The following PAX2 variants were observed in gnomAD, a reference collection of about 807,000 sequenced individuals.
The protein encoded by PAX2 is paired box 2, also known as paired box protein Pax-2.
A neutral mutation model predicts 41.7 loss-of-function variants in PAX2; 9 were observed. That is an observed-to-expected ratio of 0.22 (90% CI 0.13 to 0.38). PAX2 has a LOEUF of 0.38. PAX2 is among the 10% of genes least tolerant of loss of function. The pLI is 1.00. For synonymous variants in PAX2, 221 were observed against 212.7 expected, an observed-to-expected ratio of 1.04 and a Z score of -0.34; for missense variants, 418 against 531.6, an observed-to-expected ratio of 0.79 and a Z score of 2.10.
intron 3 of PAX2, among the ~76,000 whole-genome samples, chr10:100,760,696 A>G (rs1845809142): frequency 6.6e-6 from 1 of 152,142 alleles, no homozygotes; most frequent in Non-Finnish European, 1.5e-5. Flanking sequence ...TGCAAAGTGG[A>G]TACCACTATC....
rs1589809833 is a variant in PAX2, at chr10:100,748,530, G to C, written c.44-1216G>C. 1.1e-5 allele frequency: 11 copies of C among 985,358 alleles called. No homozygotes were observed. The South Asian group carries it at 3.8e-4, about 34-fold the overall frequency. The allele number at this position is 985,358 out of a possible 1,614,324, so 61.0% of individuals were successfully genotyped here. On this transcript the variant is annotated intron_variant, in intron 1 of 9. Transcript: ENST00000355243. The surrounding 1 kb of genome is among the most constrained non-coding windows in gnomAD (Gnocchi z 5.0). ...GGCAGGGGCTGCAGCTTGCCAGTCC[G>C]GGCCGACCCGACTCGGCCGCTAGAA...
chr10:100,782,465 A>G (rs1846671649), intron 5 of PAX2, among the ~76,000 whole-genome samples: 1 of 152,340 alleles, frequency 6.6e-6, no homozygotes, highest in Admixed American at 6.5e-5. Flanking sequence ...TGGAGTGAGG[A>G]GCAGAGAAAA....
At chr10:100,817,009 G>A (rs1356876636) in intron 7 of PAX2, among the ~76,000 whole-genome samples, 1 of 152,204 alleles carries the variant, frequency 6.6e-6, no homozygotes, top group African/African-American at 2.4e-5. Context: ...TAAAGCCAGA[G>A]AGGAACTGGG....
chr10:100,773,342 G>A (rs1846277139), intron 3 of PAX2, among the ~76,000 whole-genome samples: 1 of 152,142 alleles, frequency 6.6e-6, no homozygotes, highest in Non-Finnish European at 1.5e-5. Context: ...GCCCAGCCTA[G>A]TCCAGTAAAT....
intron 3 of PAX2, among the ~76,000 whole-genome samples, chr10:100,752,402 C>T (rs1657114213): frequency 6.6e-6 from 1 of 152,204 alleles, no homozygotes; most frequent in African/African-American, 2.4e-5. Context: ...GGAGAGGAGG[C>T]TGGGGCAGCT....
At chr10:100,771,716 A>G (rs1484972481) in intron 3 of PAX2, among the ~76,000 whole-genome samples, 1 of 152,166 alleles carries the variant, frequency 6.6e-6, no homozygotes, top group Non-Finnish European at 1.5e-5. Flanking sequence ...AGCCATGGAT[A>G]CGTGCCTGAT....
chr10:100,780,920 CTGTT>C (rs1846596039), intron 4 of PAX2, among the ~76,000 whole-genome samples: 1 of 152,188 alleles, frequency 6.6e-6, no homozygotes, highest in Non-Finnish European at 1.5e-5. Flanking sequence ...GACAGGTTTG[CTGTT>C]TCCTGGGCCT....
At chr10:100,782,247 G>A (rs951520523) in intron 5 of PAX2, among the ~76,000 whole-genome samples, 2 of 151,762 alleles carry the variant, frequency 1.3e-5, no homozygotes, top group African/African-American at 4.8e-5. Flanking sequence ...ACATCTCCCA[G>A]GAAAGAGGCA....
At chr10:100,779,305 C>T (rs557164186) in intron 3 of PAX2, among the ~76,000 whole-genome samples, 193 bp from the exon 4 acceptor site, 2 of 152,354 alleles carry the variant, frequency 1.3e-5, no homozygotes, top group South Asian at 4.1e-4. Context: ...AGCTGCATTA[C>T]GTTGGATCTG....
chr10:100,738,981 C>T (rs1383756642), intron 1 of PAX2, among the ~76,000 whole-genome samples: 3 of 151,160 alleles, frequency 2.0e-5, no homozygotes, highest in African/African-American at 7.3e-5. Flanking sequence ...CCCCCTTTCC[C>T]CGAGGGCCTA....
chr10:100,789,678 G>A (rs1303633260), intron 5 of PAX2, among the ~76,000 whole-genome samples: 3 of 152,266 alleles, frequency 2.0e-5, no homozygotes, highest in Non-Finnish European at 2.9e-5. Context: ...AGGTTCAAAG[G>A]TCAGCACTCA....
chr10:100,744,844 C>A (rs779345215), upstream of PAX2, among the ~76,000 whole-genome samples: 1 of 152,186 alleles, frequency 6.6e-6, no homozygotes, highest in African/African-American at 2.4e-5. Context: ...ACTGCCCAGA[C>A]CCGGTGGGCA....
intron 4 of PAX2, among the ~76,000 whole-genome samples, chr10:100,780,590 G>A (rs1406104776): frequency 6.6e-6 from 1 of 152,190 alleles, no homozygotes; most frequent in African/African-American, 2.4e-5. Flanking sequence ...TAGAGCGAAT[G>A]GGTTCACTAA....
intron 3 of PAX2, among the ~76,000 whole-genome samples, chr10:100,770,564 A>G (rs1446221186): frequency 6.6e-6 from 1 of 152,214 alleles, no homozygotes; most frequent in Non-Finnish European, 1.5e-5. Context: ...AACCATCACT[A>G]TTGCCCCCTT....
chr10:100,776,811 C>T (rs980697361), intron 3 of PAX2, among the ~76,000 whole-genome samples: 3 of 152,208 alleles, frequency 2.0e-5, no homozygotes, highest in Admixed American at 2.0e-4. Context: ...TTTGTAAAAC[C>T]ATGGTTGACT....
chr10:100,797,447 T>TC (rs1847378658), intron 5 of PAX2, among the ~76,000 whole-genome samples: 1 of 152,192 alleles, frequency 6.6e-6, no homozygotes, highest in Non-Finnish European at 1.5e-5. Context: ...CACTTTCATT[T>TC]CCCCATCTAC....
intron 5 of PAX2, among the ~76,000 whole-genome samples, chr10:100,784,801 G>T (rs1846782891): frequency 6.6e-6 from 1 of 152,266 alleles, no homozygotes; most frequent in Middle Eastern, 3.4e-3. Flanking sequence ...CTGTGACTCT[G>T]GGGAAAAACT....
intron 1 of PAX2, among the ~76,000 whole-genome samples, chr10:100,739,889 C>T (rs753110036): frequency 6.6e-6 from 1 of 152,226 alleles, no homozygotes; most frequent in Admixed American, 6.5e-5. Flanking sequence ...CTCGCCCGGC[C>T]TAGGGGAGGA....
rs765415698 is a variant in PAX2, at chr10:100,827,118, C to T, written c.1108+23C>T. On this transcript the variant is annotated intron_variant, in intron 9 of 9. Coordinates refer to ENST00000355243, the MANE Select transcript of PAX2 (RefSeq NM_000278.5). The surrounding 1 kb of genome is among the most constrained non-coding windows in gnomAD (Gnocchi z 8.5). ...TAAGTGAGTACGCCACCTGGCTGGCCGGCGGCTCAGCGCGGCCGCGCGGCT... is the reference window on the plus strand; with the variant it reads ...TAAGTGAGTACGCCACCTGGCTGGCTGGCGGCTCAGCGCGGCCGCGCGGCT... 6 of 1,591,984 alleles carry T rather than the reference C, an allele frequency of 3.8e-6. No homozygotes were observed. Among genetic ancestry groups the T allele is most frequent in the African/African-American group, 1.3e-5 (1 of 74,412 alleles).
Sources: allele counts gnomAD v4.1 joint callset (sites outside exome capture counted in the v4.1 genomes callset), GRCh38; gene constraint gnomAD v4.1.1; non-coding constraint Gnocchi (gnomAD v3.1); transcripts MANE v1.5; gene names NCBI Gene and HGNC (gene_info 2026-07-23, HGNC 2026-07-21).